CTIF: variants seen among roughly 807,000 people sequenced by gnomAD.
The protein encoded by CTIF is cap binding complex dependent translation initiation factor, also known as CBP80/20-dependent translation initiation factor.
CTIF carries 21 observed loss-of-function variants against 66.0 expected under a neutral mutation model. The observed-to-expected ratio is 0.32, with a 90% CI of 0.23 to 0.46. The LOEUF is 0.46. Ranked by LOEUF, CTIF falls within the 20% of genes least tolerant of loss-of-function variation. CTIF has a pLI of 1.00. For synonymous variants in CTIF, 345 were observed against 326.4 expected (o/e 1.06, Z -0.62); for missense variants, 739 against 812.7 (o/e 0.91, Z 1.10).
chr18:48,627,580 A>G (rs766101965), intron 2 of CTIF, among the ~76,000 whole-genome samples: 4 of 151,904 alleles, frequency 2.6e-5, no homozygotes, highest in Non-Finnish European at 5.9e-5. Context: ...TTAGCTGGGC[A>G]TGATGGTGCA....
chr18:48,646,612 T>A (rs979100995), intron 3 of CTIF, among the ~76,000 whole-genome samples: 18 of 151,884 alleles, frequency 1.2e-4, no homozygotes, highest in Admixed American at 1.1e-3. Context: ...CTGGGCATAG[T>A]GGCACATACC....
intron 2 of CTIF, among the ~76,000 whole-genome samples, chr18:48,631,174 T>C (rs1261806843): frequency 3.3e-5 from 5 of 152,292 alleles, no homozygotes; most frequent in East Asian, 1.9e-4. Flanking sequence ...TCTCTGCTCA[T>C]AAAACACTGG....
intron 6 of CTIF, among the ~76,000 whole-genome samples, chr18:48,708,321 C>T (rs1279590271): frequency 6.6e-6 from 1 of 152,234 alleles, no homozygotes; most frequent in South Asian, 2.1e-4. Flanking sequence ...CCTGTTAACA[C>T]CCAAGTGTTC....
At chr18:48,593,536 A>G (rs1023167127) in intron 1 of CTIF, among the ~76,000 whole-genome samples, 41 of 151,592 alleles carry the variant, frequency 2.7e-4, no homozygotes, top group Admixed American at 2.0e-4. Context: ...CGCCTGCCAC[A>G]ATGCCCGGCT....
intron 6 of CTIF, among the ~76,000 whole-genome samples, chr18:48,703,418 C>T (rs911925950): frequency 6.6e-6 from 1 of 152,166 alleles, no homozygotes; most frequent in Non-Finnish European, 1.5e-5. Context: ...CACCACTGCA[C>T]GGCTGCACCA....
chr18:48,618,718 C>T (rs59562572), intron 1 of CTIF, among the ~76,000 whole-genome samples: 2,929 of 152,266 alleles, frequency 0.019, 92 homozygotes, highest in African/African-American at 0.064. Context: ...ACATCAGCTC[C>T]AGAGATTGCA....
chr18:48,665,374 A>G (rs1322768592), intron 5 of CTIF, among the ~76,000 whole-genome samples: 2 of 152,226 alleles, frequency 1.3e-5, no homozygotes. Flanking sequence ...AAGTGGTGTC[A>G]CAGCCTGGGC....
At position 48,644,138 on chromosome 18, in the gene CTIF, T is replaced by C. The variant is rs147171330; in HGVS notation, c.252+7453T>C. Among the ~76,000 whole-genome samples the C allele has an allele frequency of 3.3e-5, 5 of 152,318 alleles. No homozygotes were observed. The East Asian group carries it at 9.6e-4, about 29-fold the overall frequency. On this transcript the variant is annotated intron_variant, in intron 3 of 11. Transcript: ENST00000256413. ...ACGGCAAGTCTTTTTAAGCTAAATA[T>C]CCTCTTTCCTGCATGAGGAATTGCC...
At chr18:48,679,899 A>G (rs1391476598) in intron 6 of CTIF, among the ~76,000 whole-genome samples, 1 of 152,016 alleles carries the variant, frequency 6.6e-6, no homozygotes, top group Non-Finnish European at 1.5e-5. Context: ...GGAGAAAGAG[A>G]ATTATGGTCA....
At chr18:48,563,725 G>A (rs529311224) in intron 1 of CTIF, among the ~76,000 whole-genome samples, 1 of 152,352 alleles carries the variant, frequency 6.6e-6, no homozygotes, top group South Asian at 2.1e-4. Flanking sequence ...GCCTGCCTCA[G>A]CCTTCCAAAG....
At chr18:48,738,691 C>A (rs900588153) in intron 7 of CTIF, among the ~76,000 whole-genome samples, 2 of 152,192 alleles carry the variant, frequency 1.3e-5, no homozygotes, top group Non-Finnish European at 2.9e-5. Context: ...CACCATACAC[C>A]AGCATTCCCA....
chr18:48,682,618 G>A (rs897386910), intron 6 of CTIF, among the ~76,000 whole-genome samples: 7 of 152,218 alleles, frequency 4.6e-5, no homozygotes, highest in Non-Finnish European at 7.3e-5. Flanking sequence ...TCTATCTGCT[G>A]CTGAGATTTT....
At position 48,613,038 on chromosome 18, in the gene CTIF, G is replaced by A. The variant is rs145841320; in HGVS notation, c.-28-6500G>A. Among the ~76,000 whole-genome samples the A allele has an allele frequency of 2.2e-3, 332 of 152,290 alleles. 1 individual carries two copies. Among genetic ancestry groups the A allele is most frequent in the African/African-American group, 7.7e-3 (318 of 41,548 alleles). On this transcript the variant is annotated intron_variant, in intron 1 of 11. Transcript: ENST00000256413. ...TCGAATGATGGATTCCCTGAGAAGTGCTGGTAGGCCCTGGAGCAGATGCAT... is the reference window on the plus strand; with the variant it reads ...TCGAATGATGGATTCCCTGAGAAGTACTGGTAGGCCCTGGAGCAGATGCAT...
chr18:48,731,089 G>C (rs2092453597), intron 7 of CTIF, among the ~76,000 whole-genome samples: 1 of 152,048 alleles, frequency 6.6e-6, no homozygotes, highest in South Asian at 2.1e-4. Flanking sequence ...AAAGAGAAGG[G>C]GTGCTCATGG....
rs1163256232 is a variant in CTIF at position 48,863,096 on chromosome 18, C to T, written c.*3537C>T. 6.6e-6 allele frequency: 1 copy of T among 152,256 alleles called. No individual in the cohort carries two copies. The highest frequency in any genetic ancestry group is 1.5e-5 in the Non-Finnish European group (1 of 68,050). The allele number at this position is 152,256 out of a possible 1,614,324, so 9.4% of individuals were successfully genotyped here. ...CAGAGCAAGGGCCTGGGGCTTCCCG[C>T]CAAAGCTGCCGCGGAACCCCGCTAG... On this transcript the variant is annotated 3_prime_UTR_variant, in exon 12 of 12. Coordinates refer to ENST00000256413, the MANE Select transcript of CTIF (RefSeq NM_014772.3).
At chr18:48,634,145 C>T (rs2090771364) in intron 2 of CTIF, among the ~76,000 whole-genome samples, 1 of 152,152 alleles carries the variant, frequency 6.6e-6, no homozygotes, top group Non-Finnish European at 1.5e-5. Flanking sequence ...GTAGAAAGCT[C>T]ATTAATTTGG....
At chr18:48,590,688 A>T (rs1341657092) in intron 1 of CTIF, among the ~76,000 whole-genome samples, 1 of 152,182 alleles carries the variant, frequency 6.6e-6, no homozygotes, top group Non-Finnish European at 1.5e-5. Flanking sequence ...CAGAGACCAG[A>T]AGAGGATGGC....
intron 9 of CTIF, among the ~76,000 whole-genome samples, chr18:48,786,948 A>C (rs997760702): frequency 1.3e-5 from 2 of 151,398 alleles, no homozygotes; most frequent in Non-Finnish European, 2.9e-5. Flanking sequence ...CCACCATGGC[A>C]GTAAATCTCC....
chr18:48,596,881 C>T (rs1426854005), intron 1 of CTIF, among the ~76,000 whole-genome samples: 4 of 152,170 alleles, frequency 2.6e-5, no homozygotes, highest in Non-Finnish European at 5.9e-5. Context: ...GGTACATTTT[C>T]TCCCCCAGTG....
Sources: gnomAD v4.1 joint callset for allele counts (sites outside exome capture counted in the v4.1 genomes callset) on GRCh38, gnomAD v4.1.1 for gene constraint, MANE v1.5 for transcripts, NCBI Gene and HGNC (gene_info 2026-07-23, HGNC 2026-07-21) for gene names.